Variants in PTPRQ observed in about 807,000 individuals in gnomAD.
PTPRQ encodes the protein protein tyrosine phosphatase receptor type Q.
In PTPRQ, 199 loss-of-function variants were observed where a neutral mutation model predicts 246.0. The ratio of observed to expected loss-of-function variants is 0.81; its 90% CI spans 0.72 to 0.91. PTPRQ has a LOEUF of 0.91. PTPRQ is among the 40% of genes least tolerant of loss of function. The probability of loss-of-function intolerance (pLI) is 0.00; values close to 1 mark genes in which losing one functional copy is unlikely to be tolerated. For missense variants in PTPRQ, 2,624 were observed against 2,528.4 expected (o/e 1.04, Z -0.81); for synonymous variants, 869 against 853.2 (o/e 1.02, Z -0.32).
At chr12:80,519,246 T>C (rs1265835761) in intron 17 of PTPRQ, among the ~76,000 whole-genome samples, 1 of 152,182 alleles carries the variant, frequency 6.6e-6, no homozygotes, top group South Asian at 2.1e-4. Flanking sequence ...TTTATTTTAC[T>C]TGTCTGAATC....
intron 24 of PTPRQ, chr12:80,546,949 A>G (rs1896325695): frequency 3.0e-6 from 1 of 334,954 alleles, no homozygotes; most frequent in Non-Finnish European, 5.3e-6. Flanking sequence ...TTGGGAACAA[A>G]ATAGCCTTCT....
chr12:80,535,117 A>T, intron 19 of PTPRQ, 80 bp downstream of exon 19: 1 of 1,336,404 alleles, frequency 7.5e-7, no homozygotes, highest in Non-Finnish European at 9.9e-7. Flanking sequence ...CAGTAAAAGA[A>T]ATTGTTTACC....
rs1362763331 is a variant in PTPRQ, at chr12:80,679,118, A to C, written c.*95A>C. The C allele has an allele frequency of 7.0e-7, 1 of 1,433,048 alleles. No homozygotes were observed. Among genetic ancestry groups the C allele is most frequent in the Non-Finnish European group, 9.3e-7 (1 of 1,076,410 alleles). 88.8% of individuals were successfully genotyped at this position (1,433,048 alleles called of 1,614,324 possible). On this transcript the variant is annotated 3_prime_UTR_variant, in exon 45 of 45. Coordinates refer to ENST00000644991, the MANE Select transcript of PTPRQ (RefSeq NM_001145026.2). The stretch of plus-strand genomic sequence containing the variant: ...TTCCGAATTGAAATGTGCAACCTTA[A>C]AGAAATATCTATGCTTCTCTCACTG...
chr12:80,541,209 T>C (rs1389728448), intron 20 of PTPRQ, among the ~76,000 whole-genome samples: 1 of 151,936 alleles, frequency 6.6e-6, no homozygotes, highest in Non-Finnish European at 1.5e-5. Flanking sequence ...ATGGTTTAAA[T>C]AACATAAATT....
At chr12:80,543,439 A>C (rs958238012) in intron 23 of PTPRQ, among the ~76,000 whole-genome samples, 1 of 152,016 alleles carries the variant, frequency 6.6e-6, no homozygotes, top group Non-Finnish European at 1.5e-5. Flanking sequence ...CACAGAACTG[A>C]TGCAACAAAG....
At chr12:80,625,330 A>G (rs1899158096) in intron 33 of PTPRQ, among the ~76,000 whole-genome samples, 1 of 134,044 alleles carries the variant, frequency 7.5e-6, no homozygotes, top group South Asian at 2.3e-4. Flanking sequence ...TGTGCATGTA[A>G]TCCCAGACTA....
At chr12:80,555,341 G>A (rs1181493125) in intron 25 of PTPRQ, among the ~76,000 whole-genome samples, 1 of 152,176 alleles carries the variant, frequency 6.6e-6, no homozygotes, top group Non-Finnish European at 1.5e-5. Context: ...TTACAGGCAT[G>A]AGCCACACAC....
intron 26 of PTPRQ, among the ~76,000 whole-genome samples, chr12:80,598,829 A>T (rs1898050798): frequency 6.6e-6 from 1 of 151,984 alleles, no homozygotes. Flanking sequence ...TAAACCATAT[A>T]TTCATTTATG....
At chr12:80,595,227 G>T (rs555187803) in intron 26 of PTPRQ, among the ~76,000 whole-genome samples, 4 of 152,142 alleles carry the variant, frequency 2.6e-5, no homozygotes, top group African/African-American at 7.2e-5. Flanking sequence ...TTACATCATA[G>T]TTATTTCTCT....
At chr12:80,669,250 G>A in intron 40 of PTPRQ, 89 bp from the exon 41 acceptor site, 4 of 1,528,076 alleles carry the variant, frequency 2.6e-6, no homozygotes, top group South Asian at 2.5e-5. Flanking sequence ...CATCTATAAA[G>A]TAATTTTAAC....
Position 80,459,445 on chromosome 12 carries a change from G to A in PTPRQ, c.622G>A (p.Val208Ile), listed in dbSNP as rs1192286568. 2 of 398,338 alleles carry A rather than the reference G, an allele frequency of 5.0e-6. No homozygotes were observed. The highest frequency in any genetic ancestry group is 8.9e-6 in the Non-Finnish European group (2 of 225,986). The allele number at this position is 398,338 out of a possible 1,614,324, so 24.7% of individuals were successfully genotyped here. Residue 208 changes from valine (V) to isoleucine (I), a missense_variant, in exon 5 of 45, where the codon GTA becomes ATA. By Grantham distance (29) the Val-to-Ile change is conservative (BLOSUM62 3). Transcript: ENST00000644991. ...AGTAGTGAAAGATGTCTCAATCAGA[G>A]TAGAGGACATTTTGACTGGGAAATT... ...GIVVKDVSIR[V>I]EDILTGKLPE...
At chr12:80,605,026 T>A (rs536275387) in intron 26 of PTPRQ, 33 bp from the exon 27 acceptor site, 1 of 1,521,758 alleles carries the variant, frequency 6.6e-7, no homozygotes, top group East Asian at 2.5e-5. Flanking sequence ...CTAATTCTAA[T>A]GTAGCTAGAT....
intron 3 of PTPRQ, among the ~76,000 whole-genome samples, chr12:80,455,751 C>T (rs577912893): frequency 1.4e-4 from 21 of 146,260 alleles, no homozygotes; most frequent in Middle Eastern, 3.4e-3. Flanking sequence ...CCACCATGCC[C>T]GGCTAATTTT....
chr12:80,589,956 T>A (rs574791188), intron 26 of PTPRQ, among the ~76,000 whole-genome samples: 1 of 152,316 alleles, frequency 6.6e-6, no homozygotes, highest in East Asian at 1.9e-4. Context: ...TTTACCTTAA[T>A]TGCTCTTATT....
chr12:80,475,571 A>C (rs1893783260), intron 8 of PTPRQ, among the ~76,000 whole-genome samples: 4 of 152,034 alleles, frequency 2.6e-5, no homozygotes, highest in African/African-American at 9.7e-5. Context: ...TCCCCATAAG[A>C]ATTTGTGGTC....
At chr12:80,466,331 A>G in intron 6 of PTPRQ, among the ~76,000 whole-genome samples, 1 of 152,192 alleles carries the variant, frequency 6.6e-6, no homozygotes. Flanking sequence ...GGAGAAGTAC[A>G]AACCAGTGCT....
intron 17 of PTPRQ, among the ~76,000 whole-genome samples, chr12:80,516,127 C>G (rs546980129): frequency 6.6e-6 from 1 of 152,134 alleles, no homozygotes; most frequent in South Asian, 2.1e-4. Context: ...TATTGGAGCA[C>G]TGTAAGCTTA....
At chr12:80,484,678 G>T (rs1430913363) in intron 9 of PTPRQ, 73 bp downstream of exon 9, 3 of 1,503,160 alleles carry the variant, frequency 2.0e-6, no homozygotes, top group Non-Finnish European at 2.7e-6. Flanking sequence ...TGGAAGATTT[G>T]CTAGCACCCA....
intron 9 of PTPRQ, among the ~76,000 whole-genome samples, chr12:80,486,833 AC>A (rs1167895732): frequency 6.6e-6 from 1 of 151,960 alleles, no homozygotes. Context: ...ATTTTTAACC[AC>A]CCTTGTGTTC....
Sources: gnomAD v4.1 joint callset for allele counts (sites outside exome capture counted in the v4.1 genomes callset) on GRCh38, gnomAD v4.1.1 for gene constraint, MANE v1.5 for transcripts, NCBI Gene and HGNC (gene_info 2026-07-23, HGNC 2026-07-21) for gene names.